Variants in DNAH7 observed in about 807,000 individuals in gnomAD.
DNAH7 encodes the protein axonemal beta dynein heavy chain 7.
DNAH7 carries 397 observed loss-of-function variants against 444.6 expected under a neutral mutation model. That is an observed-to-expected ratio of 0.89 (90% CI 0.82 to 0.97). The LOEUF is 0.97. Among genes scored for constraint, DNAH7 ranks in the 50% least tolerant of loss-of-function variants. DNAH7 has a pLI of 0.00. For missense variants in DNAH7, 4,902 were observed against 4,800.8 expected (o/e 1.02, Z -0.62); for synonymous variants, 1,636 against 1,624.4 (o/e 1.01, Z -0.17).
At chr2:195,875,035 TTTC>T (rs1434939870) in intron 38 of DNAH7, among the ~76,000 whole-genome samples, 4 of 152,180 alleles carry the variant, frequency 2.6e-5, no homozygotes, top group Non-Finnish European at 5.9e-5. Context: ...CAGTTAAAGA[TTTC>T]TTGTTAGTAA....
Position 195,777,827 on chromosome 2 carries a change from G to A in DNAH7, c.11037C>T (p.Gly3679=), listed in dbSNP as rs747231003. ...CACCAGAAGGAGGAACAAAATAGAT[G>A]CCACTTGAGTCGAACTTATAGTCTG... ...ENSDYKFDSS[G]IYFVPPSGDH... The change falls in exon 59 of 65, where the codon GGC becomes GGT. Residue 3679 remains glycine, a synonymous_variant. Transcript: ENST00000312428. The A allele has an allele frequency of 4.0e-5, 65 of 1,613,146 alleles. 2 individuals carry two copies. The highest frequency in any genetic ancestry group is 1.3e-5 in the African/African-American group (1 of 74,906).
At chr2:196,059,784 C>T (rs1006407230) in intron 1 of DNAH7, among the ~76,000 whole-genome samples, 2 of 152,206 alleles carry the variant, frequency 1.3e-5, no homozygotes, top group South Asian at 2.1e-4. Flanking sequence ...TGCATCTCCT[C>T]AGCAAATGTT....
intron 22 of DNAH7, 95 bp from the exon 23 acceptor site, chr2:195,923,902 G>T: frequency 9.3e-7 from 1 of 1,078,920 alleles, no homozygotes; most frequent in Non-Finnish European, 1.3e-6. Context: ...ATTATTCTCT[G>T]CATTTTGATT....
intron 61 of DNAH7, 98 bp downstream of exon 61, chr2:195,771,562 C>T (rs1486757192): frequency 1.1e-6 from 1 of 885,826 alleles, no homozygotes; most frequent in Non-Finnish European, 1.8e-6. Flanking sequence ...GAACCCAAAA[C>T]AGTGCTTATA....
chr2:196,061,744 G>A lies in DNAH7; in HGVS notation c.16-3628C>T, dbSNP rs1038803483. Among the ~76,000 whole-genome samples, 8 of 152,150 alleles carry A rather than the reference G, an allele frequency of 5.3e-5. No homozygotes were observed. In the East Asian group the frequency reaches 1.5e-3, roughly 29 times the overall value. On this transcript the variant is annotated intron_variant, in intron 1 of 64. Coordinates refer to ENST00000312428, the MANE Select transcript of DNAH7 (RefSeq NM_018897.3). ...AGAAAAAGAAAGAATGGGGGATCAA[G>A]AAAGAACGGGAAGAGGAAAGGAGAC...
chr2:195,831,533 C>A (rs959565018), intron 48 of DNAH7, among the ~76,000 whole-genome samples: 3 of 152,216 alleles, frequency 2.0e-5, no homozygotes, highest in Admixed American at 2.0e-4. Context: ...GTAACCAATT[C>A]TTTTACTTGA....
At chr2:196,065,844 T>C (rs1383507018) in intron 1 of DNAH7, among the ~76,000 whole-genome samples, 1 of 152,206 alleles carries the variant, frequency 6.6e-6, no homozygotes, top group Non-Finnish European at 1.5e-5. Flanking sequence ...TGTCTCTTCA[T>C]CCCTCGTGGT....
chr2:196,023,153 G>T (rs959638730), intron 8 of DNAH7, among the ~76,000 whole-genome samples: 1 of 152,076 alleles, frequency 6.6e-6, no homozygotes, highest in Non-Finnish European at 1.5e-5. Flanking sequence ...CACTATCCTC[G>T]CAATGGTAAG....
At chr2:195,840,851 G>C (rs1274246689) in intron 47 of DNAH7, among the ~76,000 whole-genome samples, 2 of 151,804 alleles carry the variant, frequency 1.3e-5, no homozygotes, top group African/African-American at 4.8e-5. Flanking sequence ...TATATACTAA[G>C]TTGTCAATTC....
intron 14 of DNAH7, among the ~76,000 whole-genome samples, chr2:195,985,388 A>G (rs929618831): frequency 2.0e-5 from 3 of 152,320 alleles, no homozygotes; most frequent in South Asian, 2.1e-4. Flanking sequence ...GGGAAAATCA[A>G]CCGGGAAGGA....
intron 5 of DNAH7, among the ~76,000 whole-genome samples, chr2:196,031,851 C>T (rs1696077482): frequency 6.6e-6 from 1 of 152,178 alleles, no homozygotes; most frequent in Non-Finnish European, 1.5e-5. Flanking sequence ...TCCCAACTTT[C>T]CCACATTTTC....
At chr2:195,964,184 T>A (rs1243123082) in intron 17 of DNAH7, among the ~76,000 whole-genome samples, 1 of 152,254 alleles carries the variant, frequency 6.6e-6, no homozygotes, top group Non-Finnish European at 1.5e-5. Flanking sequence ...CTGTGAGGAA[T>A]CTCATTGGCA....
intron 5 of DNAH7, among the ~76,000 whole-genome samples, chr2:196,039,687 T>A (rs1696616603): frequency 6.6e-6 from 1 of 150,906 alleles, no homozygotes; most frequent in Non-Finnish European, 1.5e-5. Flanking sequence ...TTATCTCAGC[T>A]ACTTAGGAGG....
chr2:195,771,525 A>T lies in DNAH7; in HGVS notation c.11433+135T>A, dbSNP rs1694839276. 4.4e-6 allele frequency: 3 copies of T among 679,262 alleles called. 1 individual carries two copies. Among genetic ancestry groups the T allele is most frequent in the South Asian group, 3.9e-5 (2 of 51,458 alleles). The allele number at this position is 679,262 out of a possible 1,614,324, so 42.1% of individuals were successfully genotyped here. On this transcript the variant is annotated intron_variant, in intron 61 of 64. Transcript: ENST00000312428. ...TTCTATAAGCTCCTCAAGGGCAAGA[A>T]TTATTTTCTAATCTTATTTATCCCC...
chr2:195,884,535 A>AG, intron 35 of DNAH7, 50 bp downstream of exon 35: 1 of 1,359,476 alleles, frequency 7.4e-7, no homozygotes, highest in Middle Eastern at 1.8e-4. Context: ...TGTGTCAGAG[A>AG]GGGGACTCTG....
Position 195,864,907 on chromosome 2 carries a change from G to T in DNAH7, c.6748C>A (p.Gln2250Lys). The change falls in exon 41 of 65, where the codon CAG (glutamine) becomes AAG (lysine). Residue 2250 changes from glutamine (Q) to lysine (K), a missense_variant. Gln to Lys is a moderately conservative substitution (Grantham distance 53). Coordinates refer to ENST00000312428, the MANE Select transcript of DNAH7 (RefSeq NM_018897.3). ...YMYEDFHELF[Q>K]RLDFDNDGMV... The stretch of plus-strand genomic sequence containing the variant: ...CCATCATTATCAAAATCCAAACGCT[G>T]AAAAAGCTCATGAAAATCTTCATAC... 1 of 1,613,286 alleles carries T rather than the reference G, an allele frequency of 6.2e-7. No homozygotes were observed. Among genetic ancestry groups the T allele is most frequent in the African/African-American group, 1.3e-5 (1 of 75,018 alleles).
At chr2:195,769,153 A>G (rs913855898) in intron 61 of DNAH7, among the ~76,000 whole-genome samples, 1 of 152,196 alleles carries the variant, frequency 6.6e-6, no homozygotes, top group Non-Finnish European at 1.5e-5. Context: ...AAAGGACATT[A>G]TAAGTAGTTC....
chr2:196,007,550 T>G (rs979237768), intron 10 of DNAH7, among the ~76,000 whole-genome samples: 4 of 152,196 alleles, frequency 2.6e-5, no homozygotes, highest in Admixed American at 2.6e-4. Flanking sequence ...ATGGTTTGGC[T>G]GTGTCTCCAC....
chr2:195,854,791 A>G (rs1449172900), intron 45 of DNAH7, among the ~76,000 whole-genome samples: 1 of 152,208 alleles, frequency 6.6e-6, no homozygotes, highest in African/African-American at 2.4e-5. Context: ...ATTTTCAAAC[A>G]TATAGGAGAG....
Sources: gnomAD v4.1 joint callset for allele counts (sites outside exome capture counted in the v4.1 genomes callset) on GRCh38, gnomAD v4.1.1 for gene constraint, MANE v1.5 for transcripts, NCBI Gene and HGNC (gene_info 2026-07-23, HGNC 2026-07-21) for gene names.